The following NBEA variants were observed in gnomAD, a reference collection of about 807,000 sequenced individuals.
NBEA encodes the protein neurobeachin.
Under a neutral mutation model 343.4 loss-of-function variants are expected in NBEA, and 44 were observed. That is an observed-to-expected ratio of 0.13 (90% CI 0.10 to 0.16). The LOEUF is 0.16. Among genes scored for constraint, NBEA ranks in the 10% least tolerant of loss-of-function variants. NBEA has a pLI of 1.00. For missense variants in NBEA, 2,555 were observed against 3,631.3 expected (o/e 0.70, Z 7.62); for synonymous variants, 1,175 against 1,238.7 (o/e 0.95, Z 1.08).
chr13:35,418,463 A>C (rs2044075803), intron 38 of NBEA, among the ~76,000 whole-genome samples: 1 of 152,050 alleles, frequency 6.6e-6, no homozygotes, highest in African/African-American at 2.4e-5. Context: ...AACAGAGTGA[A>C]GAACATATGA....
At chr13:35,556,474 A>G (rs1383052855) in intron 44 of NBEA, among the ~76,000 whole-genome samples, 1 of 151,950 alleles carries the variant, frequency 6.6e-6, no homozygotes, top group Non-Finnish European at 1.5e-5. Flanking sequence ...TGTTTTAATA[A>G]CTGGTATGTT....
intron 35 of NBEA, among the ~76,000 whole-genome samples, chr13:35,294,361 G>A (rs1279241473): frequency 1.3e-5 from 2 of 151,762 alleles, no homozygotes; most frequent in Admixed American, 1.3e-4. Context: ...TTCTTCTGAG[G>A]CTGAGTTACA....
At chr13:35,223,910 A>G (rs574107677) in intron 33 of NBEA, among the ~76,000 whole-genome samples, 8 of 152,288 alleles carry the variant, frequency 5.3e-5, no homozygotes, top group Non-Finnish European at 1.2e-4. Flanking sequence ...ACTCTGTTAG[A>G]AAATGAGCTT....
At chr13:35,250,683 C>T (rs1427075504) in intron 34 of NBEA, among the ~76,000 whole-genome samples, 1 of 152,072 alleles carries the variant, frequency 6.6e-6, no homozygotes, top group African/African-American at 2.4e-5. Context: ...ATAATTTTTG[C>T]ATGTGTACAC....
intron 2 of NBEA, among the ~76,000 whole-genome samples, chr13:35,043,495 AT>A (rs1454194506): frequency 6.6e-6 from 1 of 151,934 alleles, no homozygotes; most frequent in Non-Finnish European, 1.5e-5. Context: ...TAAGAAAAAA[AT>A]ACTTCATATT....
chr13:35,235,217 A>G (rs2075168697), intron 34 of NBEA, among the ~76,000 whole-genome samples: 1 of 152,120 alleles, frequency 6.6e-6, no homozygotes, highest in Non-Finnish European at 1.5e-5. Flanking sequence ...TCCTGTAGTT[A>G]GATGCTATTG....
chr13:35,579,870 A>T (rs2153035377), intron 45 of NBEA, among the ~76,000 whole-genome samples: 1 of 152,242 alleles, frequency 6.6e-6, no homozygotes, highest in South Asian at 2.1e-4. Context: ...TCTTCAAAAC[A>T]GGGAAACTGA....
In NBEA at chr13:35,058,101, T is replaced by C. The variant is rs542397130; in HGVS notation, c.1093-616T>C. ...AGGCTGGAAAGATCAAGCTTTTGGCTTCTTCAGTGCTGAATTCCTCTTGTG... is the reference window on the plus strand; with the variant it reads ...AGGCTGGAAAGATCAAGCTTTTGGCCTCTTCAGTGCTGAATTCCTCTTGTG... On this transcript the variant is annotated intron_variant, in intron 7 of 58. Transcript: ENST00000379939. 3.3e-5 allele frequency among the ~76,000 whole-genome samples: 5 copies of C among 152,194 alleles called. No homozygotes were observed. The South Asian group carries it at 1.0e-3, about 32-fold the overall frequency.
At chr13:35,041,948 A>G (rs2062666186) in intron 2 of NBEA, among the ~76,000 whole-genome samples, 3 of 151,960 alleles carry the variant, frequency 2.0e-5, no homozygotes, top group African/African-American at 7.2e-5. Flanking sequence ...GTATCTTCTG[A>G]CATAAAAGCA....
chr13:35,197,077 ATCTTCCACTAT>A (rs1359672110), intron 31 of NBEA, among the ~76,000 whole-genome samples: 1 of 152,186 alleles, frequency 6.6e-6, no homozygotes, highest in Non-Finnish European at 1.5e-5. Flanking sequence ...GTCATCTAAT[ATCTTCCACTAT>A]TTAAAAACAT....
chr13:35,556,438 A>G (rs2079575825), intron 44 of NBEA, among the ~76,000 whole-genome samples: 1 of 152,052 alleles, frequency 6.6e-6, no homozygotes, highest in Non-Finnish European at 1.5e-5. Context: ...TAATATTTTA[A>G]TAGCAATATT....
chr13:35,173,818 A>G (rs2070661911), intron 27 of NBEA, among the ~76,000 whole-genome samples: 2 of 152,164 alleles, frequency 1.3e-5, no homozygotes, highest in African/African-American at 4.8e-5. Context: ...TCTACTTAAT[A>G]AAGTTCTTAC....
intron 34 of NBEA, among the ~76,000 whole-genome samples, chr13:35,274,861 C>T (rs10161667): frequency 0.046 from 7,031 of 152,180 alleles, 174 homozygotes; most frequent in African/African-American, 0.065. Flanking sequence ...AAAGAGGACA[C>T]AATCAAATGG....
At chr13:35,196,617 A>G (rs2072622435) in intron 31 of NBEA, among the ~76,000 whole-genome samples, 1 of 152,090 alleles carries the variant, frequency 6.6e-6, no homozygotes, top group Non-Finnish European at 1.5e-5. Context: ...TAGTCGTTTC[A>G]TGTACATAAT....
At chr13:35,081,178 T>C (rs1001373494) in intron 10 of NBEA, among the ~76,000 whole-genome samples, 142 of 152,300 alleles carry the variant, frequency 9.3e-4, no homozygotes, top group African/African-American at 3.3e-3. Context: ...GCAGGAGTCC[T>C]ATTTTTCTGG....
At chr13:34,993,191 C>T (rs1205186774) in intron 1 of NBEA, among the ~76,000 whole-genome samples, 3 of 152,234 alleles carry the variant, frequency 2.0e-5, no homozygotes, top group Admixed American at 6.5e-5. Flanking sequence ...CTTCATTTCT[C>T]GTTCATCTTC....
chr13:35,359,337 G>C (rs999626501), intron 38 of NBEA, among the ~76,000 whole-genome samples: 8 of 151,946 alleles, frequency 5.3e-5, no homozygotes, highest in Non-Finnish European at 1.2e-4. Context: ...GAAATTAACT[G>C]TGATATATCA....
intron 38 of NBEA, among the ~76,000 whole-genome samples, chr13:35,394,216 AGATCT>A (rs1445001979): frequency 4.6e-5 from 7 of 152,162 alleles, no homozygotes; most frequent in Non-Finnish European, 1.5e-5. Context: ...AACACTGTAC[AGATCT>A]GAAAGGCTTA....
At chr13:35,639,505 GA>G (rs1190904219) in intron 49 of NBEA, among the ~76,000 whole-genome samples, 4 of 151,972 alleles carry the variant, frequency 2.6e-5, no homozygotes, top group African/African-American at 9.7e-5. Context: ...ATTGCAGGTG[GA>G]ACAGAAAGAT....
Sources: allele counts gnomAD v4.1 joint callset (sites outside exome capture counted in the v4.1 genomes callset), GRCh38; gene constraint gnomAD v4.1.1; transcripts MANE v1.5; gene names NCBI Gene and HGNC (gene_info 2026-07-23, HGNC 2026-07-21).